The following ARFGEF2 variants were observed in gnomAD, a reference collection of about 807,000 sequenced individuals.
ARFGEF2 encodes brefeldin A-inhibited guanine nucleotide-exchange protein 2.
ARFGEF2 carries 74 observed loss-of-function variants against 219.9 expected under a neutral mutation model. The observed-to-expected ratio is 0.34, with a 90% CI of 0.28 to 0.41. ARFGEF2 has a LOEUF of 0.41. Ranked by LOEUF, ARFGEF2 falls within the 10% of genes least tolerant of loss-of-function variation. ARFGEF2 has a pLI of 1.00. For synonymous variants in ARFGEF2, 733 were observed against 799.2 expected (o/e 0.92, Z 1.40); for missense variants, 1,743 against 2,218.3 (o/e 0.79, Z 4.30).
rs529559651 is a variant in ARFGEF2, at chr20:48,987,913, G to C, written c.2277-391G>C. On this transcript the variant is annotated intron_variant, in intron 16 of 38. Coordinates refer to ENST00000371917, the MANE Select transcript of ARFGEF2 (RefSeq NM_006420.3). ...GGCAATTCTCCTGCCTCAGTCTCCC[G>C]AATAGCTGGGATTATGGGCACCCGC... Among the ~76,000 whole-genome samples, 9 of 152,126 alleles carry C rather than the reference G, an allele frequency of 5.9e-5. No homozygotes were observed. In the South Asian group the frequency reaches 1.2e-3, roughly 21 times the overall value.
chr20:48,999,932 A>G (rs1297452336), intron 25 of ARFGEF2, among the ~76,000 whole-genome samples: 2 of 152,158 alleles, frequency 1.3e-5, no homozygotes, highest in East Asian at 3.9e-4. Flanking sequence ...TAGTAAAAAA[A>G]CAATCCAGAA....
intron 36 of ARFGEF2, among the ~76,000 whole-genome samples, chr20:49,026,698 G>A (rs749354139): frequency 1.3e-5 from 2 of 150,452 alleles, no homozygotes; most frequent in African/African-American, 4.9e-5. Flanking sequence ...CAATTCTCAT[G>A]CCTCAGCCTT....
chr20:48,991,778 T>A (rs532433258), intron 21 of ARFGEF2, among the ~76,000 whole-genome samples: 13 of 152,310 alleles, frequency 8.5e-5, no homozygotes, highest in East Asian at 1.9e-4. Flanking sequence ...CTACTTTTTT[T>A]AAAAAGTATG....
intron 6 of ARFGEF2, among the ~76,000 whole-genome samples, chr20:48,954,342 T>G (rs1201453662): frequency 6.6e-6 from 1 of 152,212 alleles, no homozygotes; most frequent in African/African-American, 2.4e-5. Context: ...CACACCTGAT[T>G]ATATTCTTAA....
At chr20:49,016,999 A>G (rs952217256) in intron 31 of ARFGEF2, among the ~76,000 whole-genome samples, 4 of 152,238 alleles carry the variant, frequency 2.6e-5, no homozygotes, top group Non-Finnish European at 4.4e-5. Flanking sequence ...TTTTTCATAC[A>G]TGAGCCACTT....
At chr20:48,923,111 A>G (rs1350947892) in intron 1 of ARFGEF2, among the ~76,000 whole-genome samples, 1 of 152,136 alleles carries the variant, frequency 6.6e-6, no homozygotes, top group African/African-American at 2.4e-5. Context: ...TGAATACTGA[A>G]AGGCAAGAAC....
At chr20:48,935,952 A>AC (rs1347804003) in intron 1 of ARFGEF2, among the ~76,000 whole-genome samples, 10 of 109,732 alleles carry the variant, frequency 9.1e-5, no homozygotes, top group African/African-American at 4.2e-4. Flanking sequence ...GGGGGGGCTG[A>AC]CCCCCCTACC....
chr20:48,992,361 A>T (rs938632113), intron 21 of ARFGEF2, among the ~76,000 whole-genome samples: 1 of 152,072 alleles, frequency 6.6e-6, no homozygotes, highest in Non-Finnish European at 1.5e-5. Context: ...GTTTAGAGAG[A>T]AAACTGTGAA....
At chr20:49,031,889 G>T (rs2091637539) in intron 37 of ARFGEF2, among the ~76,000 whole-genome samples, 160 bp from the exon 38 acceptor site, 1 of 151,382 alleles carries the variant, frequency 6.6e-6, no homozygotes, top group Non-Finnish European at 1.5e-5. Flanking sequence ...CTGCACTCCA[G>T]CCTGGGCCGC....
intron 33 of ARFGEF2, 80 bp downstream of exon 33, chr20:49,017,630 C>CT: frequency 6.8e-6 from 10 of 1,467,230 alleles, no homozygotes; most frequent in Non-Finnish European, 9.4e-6. Context: ...ATAGTTTGTA[C>CT]TTTTTTTAAT....
rs866898981 is a variant in ARFGEF2, at chr20:48,935,635, G to A, written c.122-5564G>A. On this transcript the variant is annotated intron_variant, in intron 1 of 38. Coordinates refer to ENST00000371917, the MANE Select transcript of ARFGEF2 (RefSeq NM_006420.3). ...ACACCTTGCAGACGGGGTGGTGGCC[G>A]GGCAGAGGGGCTCCTCACTTCCCAG... Among the ~76,000 whole-genome samples, 1,262 of 152,220 alleles carry A rather than the reference G, an allele frequency of 8.3e-3. 19 individuals are homozygous for A. The highest frequency in any genetic ancestry group is 0.028 in the African/African-American group (1,181 of 41,518).
intron 36 of ARFGEF2, among the ~76,000 whole-genome samples, chr20:49,028,122 G>A (rs1263805947): frequency 1.3e-5 from 2 of 152,176 alleles, no homozygotes; most frequent in Non-Finnish European, 2.9e-5. Flanking sequence ...GCCCGGCATG[G>A]TGGTGGGCAC....
chr20:49,016,578 C>A (rs1019487681), intron 31 of ARFGEF2, among the ~76,000 whole-genome samples, 163 bp downstream of exon 31: 2 of 152,046 alleles, frequency 1.3e-5, no homozygotes, highest in Non-Finnish European at 2.9e-5. Context: ...CAGTGCCCCC[C>A]CCAAGTCAGT....
At chr20:48,922,079 G>A (rs1600576734) in intron 1 of ARFGEF2, 69 bp downstream of exon 1, 1 of 1,517,394 alleles carries the variant, frequency 6.6e-7, no homozygotes, top group Non-Finnish European at 8.9e-7. Context: ...ATCCTACTCG[G>A]CCTTGGCCCG....
intron 16 of ARFGEF2, among the ~76,000 whole-genome samples, chr20:48,987,944 C>T (rs186158312): frequency 1.2e-4 from 19 of 152,240 alleles, no homozygotes; most frequent in African/African-American, 4.1e-4. Context: ...CCCGCTGCCA[C>T]GCCCAGCTAA....
intron 25 of ARFGEF2, among the ~76,000 whole-genome samples, chr20:49,004,240 T>C (rs1353441545): frequency 6.6e-6 from 1 of 151,874 alleles, no homozygotes; most frequent in Admixed American, 6.6e-5. Flanking sequence ...GGCAGGCGCC[T>C]GTAATCCCAG....
At position 49,010,302 on chromosome 20, in the gene ARFGEF2, C is replaced by T; in HGVS notation, c.3655C>T (p.Arg1219Cys). ...QMVNSQAANI[R>C]SGWKNIFAVF... ...GGTGAACTCCCAGGCGGCCAACATC[C>T]GCTCAGGTTGGAAGAACATCTTTGC... The change falls in exon 27 of 39, where the codon CGC becomes TGC. Residue 1219 changes from arginine to cysteine, a missense_variant. Transcript: ENST00000371917. The T allele has an allele frequency of 6.2e-7, 1 of 1,614,140 alleles. No individual in the cohort carries two copies. The highest frequency in any genetic ancestry group is 8.5e-7 in the Non-Finnish European group (1 of 1,179,978).
chr20:48,993,491 C>T (rs929351495), intron 21 of ARFGEF2, among the ~76,000 whole-genome samples: 2 of 152,168 alleles, frequency 1.3e-5, no homozygotes, highest in Admixed American at 1.3e-4. Flanking sequence ...TAAAGATACT[C>T]GGCAGTGCTC....
At chr20:49,031,672 T>A (rs773840570) in intron 37 of ARFGEF2, among the ~76,000 whole-genome samples, 99 of 152,028 alleles carry the variant, frequency 6.5e-4, no homozygotes, top group Non-Finnish European at 1.3e-3. Flanking sequence ...TCCCAGCACT[T>A]TGGGAAGCCA....
Sources: allele counts gnomAD v4.1 joint callset (sites outside exome capture counted in the v4.1 genomes callset), GRCh38; gene constraint gnomAD v4.1.1; transcripts MANE v1.5; gene names NCBI Gene and HGNC (gene_info 2026-07-23, HGNC 2026-07-21).